The following GAB1 variants were observed in gnomAD, a reference collection of about 807,000 sequenced individuals.
GAB1 encodes the protein GRB2 associated binding protein 1.
In GAB1, 19 loss-of-function variants were observed where a neutral mutation model predicts 66.5. That is an observed-to-expected ratio of 0.29 (90% confidence interval 0.20 to 0.42). The LOEUF (loss-of-function observed/expected upper bound fraction) is 0.42, where lower values mean the gene tolerates loss of function less well. Among genes scored for constraint, GAB1 ranks in the 10% least tolerant of loss-of-function variants. GAB1 has a pLI of 1.00. For missense variants in GAB1, 732 were observed against 858.5 expected (o/e 0.85, Z 1.84); for synonymous variants, 294 against 301.4 (o/e 0.98, Z 0.25).
chr4:143,456,456 C>CA (rs5862641), intron 6 of GAB1, among the ~76,000 whole-genome samples: 97,774 of 139,728 alleles, frequency 0.7, 34,950 homozygotes, highest in African/African-American at 0.9. Context: ...GACTCCGTCT[C>CA]AAAAAAAAAA....
At chr4:143,351,490 A>G (rs1729221147) in intron 1 of GAB1, among the ~76,000 whole-genome samples, 1 of 151,846 alleles carries the variant, frequency 6.6e-6, no homozygotes, top group South Asian at 2.1e-4. Flanking sequence ...TCTGCCACCT[A>G]GGGTCTGGGG....
At chr4:143,403,922 A>G (rs1312548362) in intron 1 of GAB1, among the ~76,000 whole-genome samples, 1 of 152,216 alleles carries the variant, frequency 6.6e-6, no homozygotes, top group Non-Finnish European at 1.5e-5. Context: ...AGAAAATGAT[A>G]TTTAAGCGTT....
chr4:143,438,164 A>T lies in GAB1; in HGVS notation c.759A>T (p.Ser253=). 3 of 1,614,048 alleles carry T rather than the reference A, an allele frequency of 1.9e-6. No individual in the cohort carries two copies. In the African/African-American group the frequency reaches 4.0e-5, roughly 22 times the overall value. ...DSPPSRAPSA[S]VDSSLYNLPR... ...CACCTTCACGTGCCCCATCTGCTTC[A>T]GTTGACTCCAGCCTTTATAACCTGC... is the stretch of plus-strand genomic sequence containing the variant. Residue 253 remains serine, a synonymous_variant, in exon 4 of 10, where the codon TCA becomes TCT. Transcript: ENST00000262994.
At chr4:143,436,630 T>G (rs957866023) in intron 3 of GAB1, among the ~76,000 whole-genome samples, 1 of 152,062 alleles carries the variant, frequency 6.6e-6, no homozygotes, top group Non-Finnish European at 1.5e-5. Flanking sequence ...GGTGCCTGCG[T>G]GACTGGAAAT....
intron 8 of GAB1, among the ~76,000 whole-genome samples, chr4:143,462,689 C>A (rs570802897): frequency 6.6e-6 from 1 of 151,400 alleles, no homozygotes; most frequent in East Asian, 1.9e-4. Flanking sequence ...GAGACAGATT[C>A]TCTTTCTGTC....
intron 1 of GAB1, among the ~76,000 whole-genome samples, chr4:143,413,652 G>T (rs1233414058): frequency 6.6e-6 from 1 of 151,960 alleles, no homozygotes; most frequent in Non-Finnish European, 1.5e-5. Flanking sequence ...GTAGTCTCAA[G>T]TATTTTCATG....
chr4:143,398,929 G>C (rs1043821534), intron 1 of GAB1, among the ~76,000 whole-genome samples: 1 of 152,100 alleles, frequency 6.6e-6, no homozygotes, highest in African/African-American at 2.4e-5. Context: ...AAAATGGGCA[G>C]TTGGTTTAGA....
intron 6 of GAB1, among the ~76,000 whole-genome samples, chr4:143,456,274 G>A (rs185222522): frequency 2.6e-5 from 4 of 152,190 alleles, no homozygotes; most frequent in South Asian, 2.1e-4. Flanking sequence ...TGGCTAACAC[G>A]GTGAAACCCC....
chr4:143,425,041 A>T, intron 2 of GAB1: 1 of 803,600 alleles, frequency 1.2e-6, no homozygotes, highest in Non-Finnish European at 2.1e-6. Flanking sequence ...ACTTAAAGGG[A>T]AACTTTCACA....
chr4:143,386,026 C>T (rs1459323234), intron 1 of GAB1, among the ~76,000 whole-genome samples: 2 of 152,084 alleles, frequency 1.3e-5, no homozygotes, highest in Non-Finnish European at 2.9e-5. Flanking sequence ...CCTGTCGTCC[C>T]AGCTATTTGG....
At chr4:143,452,584 G>A (rs1281576604) in intron 6 of GAB1, among the ~76,000 whole-genome samples, 1 of 152,136 alleles carries the variant, frequency 6.6e-6, no homozygotes, top group East Asian at 1.9e-4. Flanking sequence ...CCCATTAAAT[G>A]ACATTGGGCA....
chr4:143,413,824 C>CCTTTTTTTTTTTTTTTTT lies in GAB1; in HGVS notation c.73-1653_73-1652insCTTTTTTTTTTTTTTTTT, dbSNP rs61697817. ...AGAGCATCCCCACCACCCCGCTGCCCTTTTTTTTTTTTTTTTTTTTTTTTG... is the reference window on the plus strand; with the variant it reads ...AGAGCATCCCCACCACCCCGCTGCCCCTTTTTTTTTTTTTTTTTTTTTTTTTTTTTTTTTTTTTTTTTG... On this transcript the variant is annotated intron_variant, in intron 1 of 9. Transcript: ENST00000262994. Among the ~76,000 whole-genome samples, 64 of 67,832 alleles carry CCTTTTTTTTTTTTTTTTT rather than the reference C, an allele frequency of 9.4e-4. 2 individuals carry two copies. The highest frequency in any genetic ancestry group is 5.6e-3 in the African/African-American group (60 of 10,624). 44.5% of individuals were successfully genotyped at this position (67,832 alleles called of 152,430 possible). A position where few individuals can be genotyped will look rare whatever the true frequency, so the allele number is the denominator to read the frequency against.
At chr4:143,458,959 T>G (rs1000105681) in intron 6 of GAB1, among the ~76,000 whole-genome samples, 2 of 152,062 alleles carry the variant, frequency 1.3e-5, no homozygotes, top group Admixed American at 6.5e-5. Flanking sequence ...AGTTATATAC[T>G]CCAATATTGA....
intron 8 of GAB1, among the ~76,000 whole-genome samples, chr4:143,463,131 A>G (rs1482123526): frequency 6.6e-6 from 1 of 152,196 alleles, no homozygotes; most frequent in East Asian, 1.9e-4. Flanking sequence ...TCTCCCTTAG[A>G]AAAGAATATG....
intron 6 of GAB1, among the ~76,000 whole-genome samples, chr4:143,453,609 T>C (rs1021493969): frequency 3.9e-5 from 6 of 152,180 alleles, no homozygotes; most frequent in Non-Finnish European, 4.4e-5. Flanking sequence ...CGATTTTACA[T>C]CTCTGATGTT....
chr4:143,453,309 C>T (rs1290638505), intron 6 of GAB1, among the ~76,000 whole-genome samples: 1 of 151,924 alleles, frequency 6.6e-6, no homozygotes, highest in Non-Finnish European at 1.5e-5. Flanking sequence ...ATGATTATAT[C>T]ATATTTTTCT....
intron 3 of GAB1, among the ~76,000 whole-genome samples, chr4:143,437,565 G>T (rs1025654128): frequency 1.3e-5 from 2 of 152,176 alleles, no homozygotes; most frequent in Admixed American, 6.5e-5. Flanking sequence ...CAAATTTGCC[G>T]TGGGGAGGTT....
At chr4:143,353,048 G>A (rs1446258282) in intron 1 of GAB1, among the ~76,000 whole-genome samples, 1 of 152,114 alleles carries the variant, frequency 6.6e-6, no homozygotes, top group Non-Finnish European at 1.5e-5. Flanking sequence ...TGTTTTGTAG[G>A]TATCTGTTTA....
chr4:143,349,214 C>A, intron 1 of GAB1: 1 of 584,874 alleles, frequency 1.7e-6, no homozygotes, highest in Admixed American at 3.5e-5. Context: ...TATTATTTTT[C>A]ATTTTTTATT....
Sources: allele counts gnomAD v4.1 joint callset (sites outside exome capture counted in the v4.1 genomes callset), GRCh38; gene constraint gnomAD v4.1.1; transcripts MANE v1.5; gene names NCBI Gene and HGNC (gene_info 2026-07-23, HGNC 2026-07-21).